The following CDK14 variants were observed in gnomAD, a reference collection of about 807,000 sequenced individuals.
The protein encoded by CDK14 is cyclin-dependent kinase 14.
CDK14 carries 34 observed loss-of-function variants against 60.7 expected under a neutral mutation model. That is an observed-to-expected ratio of 0.56 (90% confidence interval 0.43 to 0.75). The LOEUF is 0.75. Among genes scored for constraint, CDK14 ranks in the 30% least tolerant of loss-of-function variants. The pLI is 0.00. For missense variants in CDK14, 482 were observed against 564.1 expected (o/e 0.85, Z 1.47); for synonymous variants, 197 against 203.7 (o/e 0.97, Z 0.28).
chr7:90,678,670 A>C (rs1400311394), intron 2 of CDK14, among the ~76,000 whole-genome samples: 1 of 152,150 alleles, frequency 6.6e-6, no homozygotes, highest in Non-Finnish European at 1.5e-5. Context: ...AGAGGATTTA[A>C]TGAAGAAGGA....
At chr7:91,129,247 A>C (rs531586769) in intron 14 of CDK14, among the ~76,000 whole-genome samples, 1 of 152,202 alleles carries the variant, frequency 6.6e-6, no homozygotes, top group Non-Finnish European at 1.5e-5. Context: ...TGGAGGGTAA[A>C]ACTGCTGGCT....
At chr7:90,946,118 T>C (rs1221038618) in intron 8 of CDK14, among the ~76,000 whole-genome samples, 1 of 152,170 alleles carries the variant, frequency 6.6e-6, no homozygotes, top group Admixed American at 6.5e-5. Context: ...TATTTTCTGT[T>C]TAAAAATAAA....
intron 2 of CDK14, among the ~76,000 whole-genome samples, chr7:90,675,116 G>A (rs1801173024): frequency 6.6e-6 from 1 of 152,122 alleles, no homozygotes; most frequent in African/African-American, 2.4e-5. Flanking sequence ...CTTAGGGTTG[G>A]GAATGGTTTT....
intron 10 of CDK14, among the ~76,000 whole-genome samples, chr7:91,041,515 A>G (rs538655258): frequency 1.3e-5 from 2 of 152,300 alleles, no homozygotes; most frequent in South Asian, 4.2e-4. Flanking sequence ...TCCCTATATA[A>G]GTGGATTTTA....
At chr7:90,936,917 A>AT (rs371837440) in intron 8 of CDK14, among the ~76,000 whole-genome samples, 13 of 150,386 alleles carry the variant, frequency 8.6e-5, no homozygotes, top group South Asian at 4.2e-4. Flanking sequence ...TATCTCTACA[A>AT]TTTTTTTTTT....
At chr7:90,630,882 GTGTGTA>G (rs1799979858) in intron 2 of CDK14, among the ~76,000 whole-genome samples, 1 of 109,814 alleles carries the variant, frequency 9.1e-6, no homozygotes, top group African/African-American at 3.4e-5. Flanking sequence ...ACATCTTGGG[GTGTGTA>G]TGTGTGTGTG....
intron 10 of CDK14, among the ~76,000 whole-genome samples, chr7:90,989,029 A>G (rs947019389): frequency 6.0e-5 from 6 of 99,922 alleles, no homozygotes; most frequent in Non-Finnish European, 1.4e-4. Context: ...TGTGTGTGTA[A>G]TGAGCCACAT....
chr7:90,699,747 T>C (rs1325845672), intron 2 of CDK14, among the ~76,000 whole-genome samples: 1 of 152,174 alleles, frequency 6.6e-6, no homozygotes, highest in East Asian at 1.9e-4. Flanking sequence ...ATTCAGGTGG[T>C]CCTGCCAGGG....
intron 11 of CDK14, among the ~76,000 whole-genome samples, chr7:91,061,713 C>T (rs1449408441): frequency 2.0e-5 from 3 of 152,172 alleles, no homozygotes; most frequent in Admixed American, 2.0e-4. Flanking sequence ...TGCAGAACAG[C>T]GGATATTGGT....
At chr7:90,940,015 G>A (rs1793869384) in intron 8 of CDK14, among the ~76,000 whole-genome samples, 2 of 152,214 alleles carry the variant, frequency 1.3e-5, no homozygotes, top group South Asian at 4.1e-4. Flanking sequence ...TCGGGGGGAT[G>A]TAGGGAGCTG....
chr7:90,958,664 T>C (rs950155144), intron 9 of CDK14, among the ~76,000 whole-genome samples: 1 of 152,180 alleles, frequency 6.6e-6, no homozygotes, highest in Admixed American at 6.6e-5. Flanking sequence ...AGTTACTTTC[T>C]CATCCCTTTC....
At chr7:90,906,132 TTA>T (rs1250770301) in intron 7 of CDK14, among the ~76,000 whole-genome samples, 1 of 152,156 alleles carries the variant, frequency 6.6e-6, no homozygotes, top group African/African-American at 2.4e-5. Flanking sequence ...GTGGTGATGT[TTA>T]TTGTCACTTA....
At chr7:90,792,887 T>C (rs1805891105) in intron 5 of CDK14, among the ~76,000 whole-genome samples, 2 of 152,232 alleles carry the variant, frequency 1.3e-5, no homozygotes, top group Non-Finnish European at 2.9e-5. Flanking sequence ...TCAGGAATTT[T>C]ACACATGTTG....
intron 4 of CDK14, among the ~76,000 whole-genome samples, chr7:90,779,349 C>T (rs929175617): frequency 6.6e-6 from 1 of 152,154 alleles, no homozygotes; most frequent in African/African-American, 2.4e-5. Context: ...AACTCTTGGG[C>T]TCTAGTGGTT....
In CDK14 at chr7:91,167,182, G is replaced by A. The variant is rs148126628; in HGVS notation, c.*29-39983G>A. Among the ~76,000 whole-genome samples the A allele has an allele frequency of 2.4e-3, 367 of 152,230 alleles. 2 individuals are homozygous for A. Among genetic ancestry groups the A allele is most frequent in the African/African-American group, 8.4e-3 (347 of 41,530 alleles). On this transcript the variant is annotated intron_variant, in intron 14 of 14. Transcript: ENST00000380050. ...TTGTATTTCACAGTCTTTTGTCACC[G>A]AACAACACACAGACAAAATGGAATT...
chr7:90,878,116 G>C (rs1193688099), intron 6 of CDK14, among the ~76,000 whole-genome samples: 1 of 145,536 alleles, frequency 6.9e-6, no homozygotes, highest in African/African-American at 2.8e-5. Flanking sequence ...GAGAGACAGA[G>C]AGAGAGAGAG....
At chr7:90,850,069 C>T (rs74626372) in intron 5 of CDK14, among the ~76,000 whole-genome samples, 1,617 of 152,080 alleles carry the variant, frequency 0.011, 59 homozygotes, top group African/African-American at 0.037. Flanking sequence ...GAAAGGAAAA[C>T]TCCTAATGAC....
chr7:90,910,961 G>A (rs149444253), intron 7 of CDK14, among the ~76,000 whole-genome samples: 3 of 152,064 alleles, frequency 2.0e-5, no homozygotes, highest in African/African-American at 7.2e-5. Flanking sequence ...AGGCCACAGT[G>A]TGTGTTTTTC....
At chr7:91,100,279 A>G (rs1799114490) in intron 12 of CDK14, among the ~76,000 whole-genome samples, 1 of 152,196 alleles carries the variant, frequency 6.6e-6, no homozygotes. Context: ...AGTGTTCTGT[A>G]TAAATTATTA....
Sources: gnomAD v4.1 joint callset for allele counts (sites outside exome capture counted in the v4.1 genomes callset) on GRCh38, gnomAD v4.1.1 for gene constraint, MANE v1.5 for transcripts, NCBI Gene and HGNC (gene_info 2026-07-23, HGNC 2026-07-21) for gene names.